The following RBM6 variants were observed in gnomAD, a reference collection of about 807,000 sequenced individuals.
RBM6 encodes the protein RNA binding motif protein 6.
Under a neutral mutation model 140.4 loss-of-function variants are expected in RBM6, and 23 were observed. The observed-to-expected ratio is 0.16, with a 90% CI of 0.12 to 0.23. The LOEUF (loss-of-function observed/expected upper bound fraction) is 0.23, where lower values mean the gene tolerates loss of function less well. RBM6 is among the 10% of genes least tolerant of loss of function. RBM6 has a pLI of 1.00. For synonymous variants in RBM6, 439 were observed against 475.6 expected (o/e 0.92, Z 1.00); for missense variants, 1,139 against 1,386.7 (o/e 0.82, Z 2.84).
intron 1 of RBM6, among the ~76,000 whole-genome samples, chr3:49,961,213 G>C (rs1055896284): frequency 6.6e-6 from 1 of 152,052 alleles, no homozygotes; most frequent in Non-Finnish European, 1.5e-5. Context: ...GCATAGCTGG[G>C]ATTACAGGTG....
chr3:49,989,228 T>G (rs2085702341), intron 5 of RBM6, among the ~76,000 whole-genome samples: 1 of 152,204 alleles, frequency 6.6e-6, no homozygotes, highest in Non-Finnish European at 1.5e-5. Flanking sequence ...TATATTGTAC[T>G]CCATGCTACA....
intron 3 of RBM6, among the ~76,000 whole-genome samples, chr3:49,970,938 T>G (rs2084760906): frequency 6.6e-6 from 1 of 152,126 alleles, no homozygotes; most frequent in Admixed American, 6.5e-5. Flanking sequence ...AAGACCAGCC[T>G]GGTCAACATG....
chr3:50,030,470 T>G (rs1443307553), intron 6 of RBM6, among the ~76,000 whole-genome samples: 1 of 152,098 alleles, frequency 6.6e-6, no homozygotes. Context: ...TCTTATACCT[T>G]TTGTTCCACT....
chr3:49,952,910 C>A (rs1309185153), intron 1 of RBM6, among the ~76,000 whole-genome samples: 1 of 152,154 alleles, frequency 6.6e-6, no homozygotes, highest in Non-Finnish European at 1.5e-5. Context: ...GATGTCTTTT[C>A]ATTTAAACCA....
At position 50,054,321 on chromosome 3, in the gene RBM6, C is replaced by T. The variant is rs770090019; in HGVS notation, c.1633-14C>T. 5.4e-5 allele frequency: 87 copies of T among 1,599,642 alleles called. No individual in the cohort carries two copies. The highest frequency in any genetic ancestry group is 6.7e-5 in the Non-Finnish European group (78 of 1,167,654). On this transcript the variant is annotated splice_polypyrimidine_tract_variant and intron_variant, in intron 7 of 20. Coordinates refer to ENST00000266022, the MANE Select transcript of RBM6 (RefSeq NM_005777.3). ...AAATGTTTTCAGTCAAATTGATTTC[C>T]TTCTTCCTTACAGTGTAAGGCAAAC... is the stretch of plus-strand genomic sequence containing the variant.
chr3:50,063,632 G>GGC (rs2090020162), intron 15 of RBM6, among the ~76,000 whole-genome samples: 1 of 151,850 alleles, frequency 6.6e-6, no homozygotes, highest in South Asian at 2.1e-4. Context: ...CGGGCATGGT[G>GGC]GCTCATGCCT....
intron 6 of RBM6, among the ~76,000 whole-genome samples, chr3:50,010,134 G>T (rs1024423814): frequency 6.6e-6 from 1 of 152,046 alleles, no homozygotes; most frequent in Non-Finnish European, 1.5e-5. Context: ...CAATCCACCC[G>T]TCTCGGCCTC....
chr3:50,040,462 AAAAAAAAAAAT>A lies in RBM6; in HGVS notation c.1558-7781_1558-7771del, dbSNP rs1254061209. ...CTCCTTCTCAAAAAAAAAAAAAAAA[AAAAAAAAAAAT>A]ATATATATATATATATATATACACA... On this transcript the variant is annotated intron_variant, in intron 6 of 20. Transcript: ENST00000266022. Among the ~76,000 whole-genome samples, 126 of 50,534 alleles carry A rather than the reference AAAAAAAAAAAT, an allele frequency of 2.5e-3. No homozygotes were observed. The East Asian group carries it at 0.049, about 20-fold the overall frequency. 33.2% of individuals were successfully genotyped at this position (50,534 alleles called of 152,430 possible).
rs571299279 is a variant in RBM6 at position 50,015,138 on chromosome 3, G to A, written c.1557+15625G>A. Among the ~76,000 whole-genome samples the A allele has an allele frequency of 1.1e-3, 156 of 146,898 alleles. 1 individual carries two copies. The highest frequency in any genetic ancestry group is 2.0e-3 in the Non-Finnish European group (133 of 67,218). On this transcript the variant is annotated intron_variant, in intron 6 of 20. Coordinates refer to ENST00000266022, the MANE Select transcript of RBM6 (RefSeq NM_005777.3). ...TTTTTTTCTTTTGAGACAGAGTCAC[G>A]CTCTGTCACCCAAGCTGGAGTGCAG...
chr3:50,068,847 C>T (rs2090199248), intron 18 of RBM6, 83 bp downstream of exon 18: 7 of 1,238,702 alleles, frequency 5.7e-6, no homozygotes, highest in South Asian at 1.4e-5. Context: ...GCTGATCCCT[C>T]CTTATAAGAA....
intron 7 of RBM6, among the ~76,000 whole-genome samples, chr3:50,053,212 A>C (rs549438769): frequency 6.6e-6 from 1 of 152,224 alleles, no homozygotes; most frequent in Non-Finnish European, 1.5e-5. Context: ...CATATACAGT[A>C]GGCCAAATAC....
At chr3:50,024,986 G>C (rs367594046) in intron 6 of RBM6, among the ~76,000 whole-genome samples, 2 of 147,232 alleles carry the variant, frequency 1.4e-5, no homozygotes, top group Non-Finnish European at 3.0e-5. Context: ...GCAAGACTCC[G>C]TCTCAAAAAA....
intron 1 of RBM6, among the ~76,000 whole-genome samples, chr3:49,944,114 C>T (rs752551243): frequency 3.9e-5 from 6 of 152,062 alleles, no homozygotes; most frequent in Non-Finnish European, 2.9e-5. Flanking sequence ...CTTTTTTCAT[C>T]TTCCCAAACT....
intron 7 of RBM6, among the ~76,000 whole-genome samples, chr3:50,050,786 A>G (rs2089434031): frequency 6.6e-6 from 1 of 151,374 alleles, no homozygotes; most frequent in South Asian, 2.1e-4. Flanking sequence ...ATAATATCTC[A>G]TTGTGGTTTT....
chr3:49,966,421 A>T (rs1469039213), intron 2 of RBM6, among the ~76,000 whole-genome samples: 1 of 152,204 alleles, frequency 6.6e-6, no homozygotes, highest in Non-Finnish European at 1.5e-5. Flanking sequence ...AAACTAGTTT[A>T]GGGAATCTTG....
rs1031882454 is a variant in RBM6 at position 49,962,607 on chromosome 3, G to A, written c.-35G>A. 3 of 1,578,790 alleles carry A rather than the reference G, an allele frequency of 1.9e-6. No individual in the cohort carries two copies. The Admixed American group carries it at 5.8e-5, about 30-fold the overall frequency. The stretch of plus-strand genomic sequence containing the variant: ...CTATAACCAGAATTTGGTAGAAAAA[G>A]GATTTACTTGTTGGGGCCCTCTTGA... On this transcript the variant is annotated 5_prime_UTR_variant, in exon 2 of 21. Transcript: ENST00000266022.
intron 6 of RBM6, among the ~76,000 whole-genome samples, chr3:50,033,955 A>C (rs969223429): frequency 1.3e-5 from 2 of 151,916 alleles, no homozygotes; most frequent in African/African-American, 2.4e-5. Flanking sequence ...TAGTTTTTCT[A>C]TGTGTGTTTT....
At chr3:50,024,755 C>G (rs1379090838) in intron 6 of RBM6, among the ~76,000 whole-genome samples, 1 of 152,066 alleles carries the variant, frequency 6.6e-6, no homozygotes, top group Non-Finnish European at 1.5e-5. Flanking sequence ...AGATCAAGAC[C>G]ATCCTGGCTA....
Position 49,968,118 on chromosome 3 carries a change from A to G in RBM6, c.693A>G (p.Thr231=), listed in dbSNP as rs1222745575. ...TGGACTTTAGAGACAAAGACGGAAC[A>G]CAAGTAGACTTTAGAGGCCGAGGTT... ...SDLDFRDKDG[T]QVDFRGRGSG... is the part of the protein sequence containing the mutation. Residue 231 remains threonine, a synonymous_variant, in exon 3 of 21, where the codon ACA becomes ACG. Coordinates refer to ENST00000266022, the MANE Select transcript of RBM6 (RefSeq NM_005777.3). 1 of 1,614,106 alleles carries G rather than the reference A, an allele frequency of 6.2e-7. No individual in the cohort carries two copies. The highest frequency in any genetic ancestry group is 1.3e-5 in the African/African-American group (1 of 74,942).
Sources: gnomAD v4.1 joint callset for allele counts (sites outside exome capture counted in the v4.1 genomes callset) on GRCh38, gnomAD v4.1.1 for gene constraint, MANE v1.5 for transcripts, NCBI Gene and HGNC (gene_info 2026-07-23, HGNC 2026-07-21) for gene names.